Variants in EXOC2 observed in about 807,000 individuals in gnomAD.
The protein encoded by EXOC2 is exocyst complex component 2.
Under a neutral mutation model 131.8 loss-of-function variants are expected in EXOC2, and 70 were observed. That is an observed-to-expected ratio of 0.53 (90% CI 0.44 to 0.65). The LOEUF (loss-of-function observed/expected upper bound fraction) is 0.65. EXOC2 is among the 30% of genes least tolerant of loss of function. The pLI is 0.00. For missense variants in EXOC2, 923 were observed against 1,108.6 expected (o/e 0.83, Z 2.38); for synonymous variants, 411 against 398.4 (o/e 1.03, Z -0.38).
rs1298096837 is a variant in EXOC2 at position 616,617 on chromosome 6, A to AAC, written c.661+1093_661+1094insGT. ...AACTCCGTCTCAAAAAAAAAAAAAA[A>AAC]AAAAAACTAACTTCTACCTGCAAGG... On this transcript the variant is annotated intron_variant, in intron 6 of 27. Coordinates refer to ENST00000230449, the MANE Select transcript of EXOC2 (RefSeq NM_018303.6). Among the ~76,000 whole-genome samples, 266 of 151,184 alleles carry AAC rather than the reference A, an allele frequency of 1.8e-3. 2 individuals are homozygous for AAC. Among genetic ancestry groups the AAC allele is most frequent in the Non-Finnish European group, 2.3e-3 (159 of 67,712 alleles).
chr6:574,908 T>C (rs185664743), intron 12 of EXOC2, among the ~76,000 whole-genome samples: 13 of 152,398 alleles, frequency 8.5e-5, no homozygotes, highest in Admixed American at 2.0e-4. Flanking sequence ...GTTTTCCAGA[T>C]GGCAGGTGGC....
chr6:610,831 C>T (rs182400962), intron 6 of EXOC2, among the ~76,000 whole-genome samples: 16 of 152,262 alleles, frequency 1.1e-4, no homozygotes, highest in Admixed American at 1.0e-3. Context: ...TTTCTGTAAG[C>T]CACCTCAAAT....
intron 20 of EXOC2, among the ~76,000 whole-genome samples, chr6:554,681 A>C (rs1757327035): frequency 6.6e-6 from 1 of 152,164 alleles, no homozygotes; most frequent in Non-Finnish European, 1.5e-5. Flanking sequence ...CATAAAGTAC[A>C]CAGAAGTTAC....
intron 1 of EXOC2, chr6:656,299 C>T: frequency 1.2e-6 from 2 of 1,614,206 alleles, no homozygotes; most frequent in Non-Finnish European, 1.7e-6. Context: ...TCAGGCACAC[C>T]CACAGCCGAC....
intron 23 of EXOC2, among the ~76,000 whole-genome samples, chr6:523,894 T>C (rs1232022307): frequency 6.6e-6 from 1 of 152,214 alleles, no homozygotes; most frequent in African/African-American, 2.4e-5. Flanking sequence ...TTCCGCTGAA[T>C]TGATAACGTG....
chr6:627,151 C>T (rs1027186821), intron 4 of EXOC2, among the ~76,000 whole-genome samples: 1 of 151,562 alleles, frequency 6.6e-6, no homozygotes, highest in African/African-American at 2.4e-5. Context: ...CTACAGTCTG[C>T]CTTTCCTTCC....
At chr6:578,859 A>T (rs1561881486) in intron 11 of EXOC2, among the ~76,000 whole-genome samples, 1 of 152,104 alleles carries the variant, frequency 6.6e-6, no homozygotes, top group Non-Finnish European at 1.5e-5. Context: ...TGTTCTAGTG[A>T]TTTATGACAT....
intron 23 of EXOC2, among the ~76,000 whole-genome samples, chr6:515,541 G>A (rs1765101486): frequency 6.6e-6 from 1 of 152,244 alleles, no homozygotes; most frequent in Non-Finnish European, 1.5e-5. Flanking sequence ...AGCCAGTGTG[G>A]CTCCAGGGTG....
chr6:636,498 C>G (rs570066459), intron 2 of EXOC2, among the ~76,000 whole-genome samples: 1 of 152,176 alleles, frequency 6.6e-6, no homozygotes, highest in South Asian at 2.1e-4. Flanking sequence ...ATTGGCTAGG[C>G]AGTGCAAAAC....
intron 7 of EXOC2, among the ~76,000 whole-genome samples, chr6:603,686 A>G (rs1211325384): frequency 6.6e-6 from 1 of 151,960 alleles, no homozygotes; most frequent in East Asian, 1.9e-4. Context: ...TCTTTTCCAC[A>G]TCCTGGCCCT....
At chr6:581,258 C>T (rs1481745935) in intron 11 of EXOC2, among the ~76,000 whole-genome samples, 3 of 149,962 alleles carry the variant, frequency 2.0e-5, no homozygotes, top group African/African-American at 4.9e-5. Flanking sequence ...ATCACATCAC[C>T]GCACTCCAGT....
intron 1 of EXOC2, among the ~76,000 whole-genome samples, chr6:642,117 T>C (rs1296454636): frequency 6.6e-6 from 1 of 152,184 alleles, no homozygotes; most frequent in Non-Finnish European, 1.5e-5. Context: ...TGTATTCATG[T>C]AATTCAACCT....
At chr6:609,400 G>A (rs890060052) in intron 7 of EXOC2, among the ~76,000 whole-genome samples, 17 of 152,178 alleles carry the variant, frequency 1.1e-4, no homozygotes, top group African/African-American at 4.1e-4. Context: ...CTATAGTTGT[G>A]AAAAGATTTA....
intron 23 of EXOC2, among the ~76,000 whole-genome samples, chr6:524,718 G>T (rs904804517): frequency 6.6e-6 from 1 of 152,166 alleles, no homozygotes; most frequent in Non-Finnish European, 1.5e-5. Context: ...TTTCCACAAA[G>T]AAAGGTCTTT....
chr6:556,472 T>C lies in EXOC2; in HGVS notation c.1932+12A>G. ...TGGGAAACTGGAGTCCAAGCGGAGC[T>C]GGAATACTTACACTGGCCTCTCCCG... On this transcript the variant is annotated intron_variant, in intron 18 of 27. Coordinates refer to ENST00000230449, the MANE Select transcript of EXOC2 (RefSeq NM_018303.6). The C allele has an allele frequency of 6.2e-7, 1 of 1,613,592 alleles. No homozygotes were observed.
chr6:490,114 G>T (rs922234372), intron 26 of EXOC2, among the ~76,000 whole-genome samples: 1 of 152,174 alleles, frequency 6.6e-6, no homozygotes, highest in African/African-American at 2.4e-5. Flanking sequence ...TGTTTTGACA[G>T]TATGACAATA....
intron 23 of EXOC2, among the ~76,000 whole-genome samples, chr6:530,593 G>T (rs886940392): frequency 1.3e-5 from 2 of 152,250 alleles, no homozygotes; most frequent in Non-Finnish European, 2.9e-5. Flanking sequence ...AAGGGCAGGA[G>T]AGGTTAGGAG....
chr6:632,798 C>G (rs1026965447), intron 3 of EXOC2, 143 bp downstream of exon 3: 1 of 835,884 alleles, frequency 1.2e-6, no homozygotes, highest in Non-Finnish European at 1.8e-6. Context: ...ACCAACATCC[C>G]AATCCTGTCA....
intron 6 of EXOC2, among the ~76,000 whole-genome samples, chr6:611,824 A>G (rs184140446): frequency 1.3e-5 from 2 of 152,346 alleles, no homozygotes; most frequent in Non-Finnish European, 2.9e-5. Flanking sequence ...GTTGAACATT[A>G]TAAGTTTGTA....
Sources: allele counts gnomAD v4.1 joint callset (sites outside exome capture counted in the v4.1 genomes callset), GRCh38; gene constraint gnomAD v4.1.1; transcripts MANE v1.5; gene names NCBI Gene and HGNC (gene_info 2026-07-23, HGNC 2026-07-21).